Variants in OXR1 observed in about 807,000 individuals in gnomAD.
OXR1 encodes the protein oxidation resistance protein 1.
Under a neutral mutation model 104.6 loss-of-function variants are expected in OXR1, and 41 were observed. The ratio of observed to expected loss-of-function variants is 0.39; its 90% confidence interval spans 0.31 to 0.51. The LOEUF (loss-of-function observed/expected upper bound fraction) is 0.51. OXR1 is among the 20% of genes least tolerant of loss of function. The pLI is 0.77. For missense variants in OXR1, 955 were observed against 1,031.9 expected (o/e 0.93, Z 1.02); for synonymous variants, 348 against 348.4 (o/e 1.00, Z 0.01).
chr8:106,472,258 G>T (rs372457215), intron 2 of OXR1, among the ~76,000 whole-genome samples: 4 of 151,766 alleles, frequency 2.6e-5, no homozygotes, highest in African/African-American at 9.7e-5. Context: ...GTAGTAATAT[G>T]TTATAGGCAA....
At chr8:106,740,841 A>C (rs1352399954) in intron 14 of OXR1, among the ~76,000 whole-genome samples, 1 of 152,140 alleles carries the variant, frequency 6.6e-6, no homozygotes, top group African/African-American at 2.4e-5. Flanking sequence ...AGAATCTTGA[A>C]TAATGGGTGA....
chr8:106,752,330 T>A lies in OXR1; in HGVS notation c.*1389T>A, dbSNP rs550410856. On this transcript the variant is annotated 3_prime_UTR_variant, in exon 17 of 17. Transcript: ENST00000517566. Reference sequence around the variant, plus strand: ...AGCCAAATATTTGGCTTAAGTAGATTTAGTTGTATAGCACTTACATATTTA... The same window carrying A: ...AGCCAAATATTTGGCTTAAGTAGATATAGTTGTATAGCACTTACATATTTA... The A allele has an allele frequency of 1.1e-4, 17 of 152,656 alleles. No homozygotes were observed. Among genetic ancestry groups the A allele is most frequent in the African/African-American group, 3.6e-4 (15 of 41,582 alleles). The allele number at this position is 152,656 out of a possible 1,614,324, so 9.5% of individuals were successfully genotyped here.
Position 106,641,309 on chromosome 8 carries a change from G to A in OXR1, c.221-37901G>A, listed in dbSNP as rs549899762. ...GCTTTTGAAGCTAGTGAGTGAAAAC[G>A]TGGGGCTGAAAGAGCAAGCCCAGAA... On this transcript the variant is annotated intron_variant, in intron 3 of 16. Coordinates refer to ENST00000517566, the MANE Select transcript of OXR1 (RefSeq NM_001198533.2). Among the ~76,000 whole-genome samples, 10 of 152,304 alleles carry A rather than the reference G, an allele frequency of 6.6e-5. No individual in the cohort carries two copies. The East Asian group carries it at 1.3e-3, about 21-fold the overall frequency.
At chr8:106,675,128 G>T (rs910979819) in intron 3 of OXR1, among the ~76,000 whole-genome samples, 1 of 152,028 alleles carries the variant, frequency 6.6e-6, no homozygotes, top group African/African-American at 2.4e-5. Context: ...TATAATTTTC[G>T]ATTTGTATGA....
chr8:106,599,986 C>T (rs1171511454), intron 3 of OXR1, among the ~76,000 whole-genome samples: 2 of 152,102 alleles, frequency 1.3e-5, no homozygotes, highest in South Asian at 2.1e-4. Context: ...CTAATGCTGC[C>T]GGTGATCTGA....
intron 3 of OXR1, among the ~76,000 whole-genome samples, chr8:106,552,486 A>C (rs1223445766): frequency 5.9e-5 from 9 of 152,174 alleles, no homozygotes; most frequent in Admixed American, 5.9e-4. Context: ...AACATTTAAA[A>C]ACCAAATTTG....
intron 1 of OXR1, among the ~76,000 whole-genome samples, chr8:106,282,685 A>G (rs1479354254): frequency 6.6e-6 from 1 of 152,228 alleles, no homozygotes; most frequent in African/African-American, 2.4e-5. Flanking sequence ...ATAATCATAA[A>G]GGTCTTTATC....
chr8:106,308,503 A>G (rs1316427912), intron 1 of OXR1, among the ~76,000 whole-genome samples: 1 of 152,168 alleles, frequency 6.6e-6, no homozygotes, highest in African/African-American at 2.4e-5. Flanking sequence ...ACACCTCTTT[A>G]GGTTAATATC....
chr8:106,390,831 A>G (rs1221427826), intron 2 of OXR1, among the ~76,000 whole-genome samples: 1 of 152,192 alleles, frequency 6.6e-6, no homozygotes, highest in African/African-American at 2.4e-5. Context: ...AGACTCACAC[A>G]TAAGACTCTC....
chr8:106,338,927 T>C (rs1401935049), intron 1 of OXR1, among the ~76,000 whole-genome samples: 1 of 152,072 alleles, frequency 6.6e-6, no homozygotes, highest in Non-Finnish European at 1.5e-5. Flanking sequence ...ATTTGGCAAA[T>C]AGGACTGCGA....
intron 11 of OXR1, among the ~76,000 whole-genome samples, chr8:106,737,052 A>G (rs1274749864): frequency 2.0e-5 from 3 of 152,024 alleles, no homozygotes; most frequent in Non-Finnish European, 4.4e-5. Context: ...ATAGATGGGT[A>G]TGTTTGTCAC....
At chr8:106,675,628 A>G (rs544003533) in intron 3 of OXR1, among the ~76,000 whole-genome samples, 2 of 152,188 alleles carry the variant, frequency 1.3e-5, no homozygotes, top group East Asian at 3.9e-4. Context: ...TTCTTAGTCT[A>G]ATTTTTCTAA....
At chr8:106,294,787 C>A (rs568413809) in intron 1 of OXR1, among the ~76,000 whole-genome samples, 246 of 152,310 alleles carry the variant, frequency 1.6e-3, no homozygotes, top group Non-Finnish European at 2.1e-3. Context: ...CAGGGACAAA[C>A]AGCCAAACCA....
At chr8:106,677,189 T>TTTG (rs1827685886) in intron 3 of OXR1, among the ~76,000 whole-genome samples, 1 of 151,906 alleles carries the variant, frequency 6.6e-6, no homozygotes, top group African/African-American at 2.4e-5. Context: ...ATTGCAAGTT[T>TTTG]AATTTGCTAT....
intron 2 of OXR1, among the ~76,000 whole-genome samples, chr8:106,414,526 C>A (rs1818593084): frequency 6.6e-6 from 1 of 152,130 alleles, no homozygotes; most frequent in Admixed American, 6.6e-5. Context: ...TCTCCAGAAG[C>A]AGATAGTCTT....
At chr8:106,737,492 A>G in intron 11 of OXR1, 28 bp from the exon 12 acceptor site, 1 of 361,338 alleles carries the variant, frequency 2.8e-6, no homozygotes, top group Non-Finnish European at 4.1e-6. Flanking sequence ...TGTCAGTGGA[A>G]TTATTGTCTT....
intron 2 of OXR1, among the ~76,000 whole-genome samples, chr8:106,477,075 A>G (rs745810838): frequency 7.2e-5 from 11 of 152,022 alleles, no homozygotes; most frequent in Non-Finnish European, 1.2e-4. Context: ...CTCAATCTAC[A>G]GTACATATCA....
Position 106,710,660 on chromosome 8 carries a change from C to T in OXR1, c.1663C>T (p.His555Tyr). ...AAAAGAAAAGCAAAGGCATCGATTA[C>T]ATAAGTTCTTGTGTCTCAGAGTTGG... Reference protein sequence around the residue: ...LLKEKQRHRLHKFLCLRVGKP... With the variant: ...LLKEKQRHRLYKFLCLRVGKP... The change falls in exon 10 of 17, where the codon CAT (histidine) becomes TAT (tyrosine). Residue 555 changes from histidine to tyrosine, a missense_variant. Coordinates refer to ENST00000517566, the MANE Select transcript of OXR1 (RefSeq NM_001198533.2). 6.3e-7 allele frequency: 1 copy of T among 1,595,528 alleles called. No individual in the cohort carries two copies. Among genetic ancestry groups the T allele is most frequent in the South Asian group, 1.1e-5 (1 of 87,910 alleles).
chr8:106,315,461 A>G (rs1022179867), intron 1 of OXR1, among the ~76,000 whole-genome samples: 1 of 152,288 alleles, frequency 6.6e-6, no homozygotes. Flanking sequence ...CCTCCTAACA[A>G]ACTAATTTGT....
Sources: allele counts gnomAD v4.1 joint callset (sites outside exome capture counted in the v4.1 genomes callset), GRCh38; gene constraint gnomAD v4.1.1; transcripts MANE v1.5; gene names NCBI Gene and HGNC (gene_info 2026-07-23, HGNC 2026-07-21).